QTMAN: variants seen among roughly 807,000 people sequenced by gnomAD.
QTMAN encodes the protein queuosine-tRNA mannosyltransferase.
At chr2:144,313,321 T>G in the QTMAN span, among the ~76,000 whole-genome samples, 1 of 152,236 alleles carries the variant, frequency 6.6e-6, no homozygotes, top group African/African-American at 2.4e-5. Context: ...GGGTTACTTA[T>G]TACCCTTTGG....
the QTMAN span, among the ~76,000 whole-genome samples, chr2:143,954,169 T>C: frequency 9.9e-5 from 15 of 152,148 alleles, no homozygotes; most frequent in Non-Finnish European, 2.2e-4. Context: ...ACACTGTGAC[T>C]GTATTATAAA....
the QTMAN span, among the ~76,000 whole-genome samples, chr2:144,058,690 C>T: frequency 1.1e-4 from 17 of 152,250 alleles, no homozygotes; most frequent in Admixed American, 3.3e-4. Context: ...TATCCAGGGA[C>T]GCTCCAAACT....
the QTMAN span, among the ~76,000 whole-genome samples, chr2:144,302,628 T>A: frequency 6.6e-6 from 1 of 152,218 alleles, no homozygotes; most frequent in Admixed American, 6.5e-5. Flanking sequence ...AATAGGTATT[T>A]ACAGAACATC....
At chr2:143,995,547 T>A in the QTMAN span, among the ~76,000 whole-genome samples, 15 of 152,108 alleles carry the variant, frequency 9.9e-5, no homozygotes, top group African/African-American at 3.6e-4. Context: ...ATTATTCCCA[T>A]CATATAAAGA....
chr2:144,061,889 G>A, the QTMAN span, among the ~76,000 whole-genome samples: 5 of 152,174 alleles, frequency 3.3e-5, no homozygotes, highest in Middle Eastern at 3.4e-3. Context: ...AGTTCGACTG[G>A]GGACAGTTAG....
chr2:144,260,200 TTC>T, the QTMAN span, among the ~76,000 whole-genome samples: 1 of 152,180 alleles, frequency 6.6e-6, no homozygotes, highest in Non-Finnish European at 1.5e-5. Flanking sequence ...ATTACTGTAA[TTC>T]TTTTAATTTT....
chr2:143,956,787 T>A, the QTMAN span, among the ~76,000 whole-genome samples: 1 of 151,972 alleles, frequency 6.6e-6, no homozygotes, highest in African/African-American at 2.4e-5. Context: ...TTTAATCATT[T>A]TTTTTTCCCA....
the QTMAN span, among the ~76,000 whole-genome samples, chr2:143,980,891 C>G: frequency 1.3e-5 from 2 of 152,142 alleles, no homozygotes; most frequent in Admixed American, 1.3e-4. Context: ...ATTAAGCTGC[C>G]CTATCCAACT....
the QTMAN span, among the ~76,000 whole-genome samples, chr2:143,969,939 T>C: frequency 4.1e-4 from 62 of 152,312 alleles, 1 homozygote; most frequent in Non-Finnish European, 4.6e-4. Context: ...AAAGGTTATT[T>C]CTGAAATATT....
At chr2:143,964,269 G>T in the QTMAN span, 1 of 152,054 alleles carries the variant, frequency 6.6e-6, no homozygotes, top group South Asian at 2.1e-4. Flanking sequence ...AACTCAGTAA[G>T]TAATTATATG....
At chr2:143,940,560 A>G in the QTMAN span, 1 of 152,208 alleles carries the variant, frequency 6.6e-6, no homozygotes, top group African/African-American at 2.4e-5. Flanking sequence ...ACAGTCTAAT[A>G]CCATATTAGA....
the QTMAN span, among the ~76,000 whole-genome samples, chr2:144,067,017 TTCAAA>T: frequency 6.6e-6 from 1 of 152,226 alleles, no homozygotes; most frequent in Non-Finnish European, 1.5e-5. Context: ...CTGTTCTACC[TTCAAA>T]ATATATCCTG....
the QTMAN span, among the ~76,000 whole-genome samples, chr2:144,219,842 A>G: frequency 6.6e-6 from 1 of 152,198 alleles, no homozygotes; most frequent in Non-Finnish European, 1.5e-5. Flanking sequence ...AATTTACAAT[A>G]AAATAAAAGC....
chr2:144,148,467 A>G, the QTMAN span, among the ~76,000 whole-genome samples: 1 of 151,818 alleles, frequency 6.6e-6, no homozygotes, highest in Admixed American at 6.6e-5. Flanking sequence ...TAAGTTATAC[A>G]TTTATAAAAC....
At chr2:144,043,489 C>G in the QTMAN span, among the ~76,000 whole-genome samples, 32 of 151,978 alleles carry the variant, frequency 2.1e-4, no homozygotes, top group Non-Finnish European at 4.1e-4. Context: ...CAAAAATTAG[C>G]CCAGCGTGGT....
chr2:144,089,515 A>C, the QTMAN span, among the ~76,000 whole-genome samples: 1 of 151,972 alleles, frequency 6.6e-6, no homozygotes, highest in South Asian at 2.1e-4. Context: ...GCACTACTTC[A>C]CCATGGCAAA....
At chr2:144,228,549 T>C in the QTMAN span, among the ~76,000 whole-genome samples, 2 of 152,120 alleles carry the variant, frequency 1.3e-5, no homozygotes, top group African/African-American at 4.8e-5. Context: ...AGCTGAAGGT[T>C]AGGAAGAAAG....
chr2:144,145,705 C>T, the QTMAN span: 10 of 1,611,350 alleles, frequency 6.2e-6, no homozygotes, highest in Admixed American at 5.0e-5. Flanking sequence ...GCAGCCAGTT[C>T]GGTCAGGTTA....
the QTMAN span, among the ~76,000 whole-genome samples, chr2:144,133,116 A>AAT: frequency 0.034 from 1,389 of 41,068 alleles, 21 homozygotes; most frequent in East Asian, 0.06. Flanking sequence ...AATGACTGGT[A>AAT]ATATATATAT....
Sources: allele counts gnomAD v4.1 joint callset (sites outside exome capture counted in the v4.1 genomes callset), GRCh38; gene constraint gnomAD v4.1.1; transcripts MANE v1.5; gene names NCBI Gene and HGNC (gene_info 2026-07-23, HGNC 2026-07-21).